Variants in TOX2 observed in about 807,000 individuals in gnomAD.
TOX2 encodes granulosa cell HMG box 1.
In TOX2, 15 loss-of-function variants were observed where a neutral mutation model predicts 47.4. That is an observed-to-expected ratio of 0.32 (90% CI 0.21 to 0.49). The LOEUF is 0.49. TOX2 is among the 20% of genes least tolerant of loss of function. The pLI is 0.99. For missense variants in TOX2, 622 were observed against 673.1 expected (o/e 0.92, Z 0.84); for synonymous variants, 290 against 296.6 (o/e 0.98, Z 0.23).
chr20:44,054,316 A>G lies in TOX2; in HGVS notation c.669A>G (p.Arg223=). 6.2e-7 allele frequency: 1 copy of G among 1,611,306 alleles called. No individual in the cohort carries two copies. The highest frequency in any genetic ancestry group is 1.7e-5 in the Admixed American group (1 of 59,600). ...EVHFKISGEK[R]PSADPGKKAK... is the part of the protein sequence containing the mutation. ...TCGGGCAGATCTCGGGAGAAAAGAG[A>G]CCTTCAGCCGACCCAGGAAAAAAGG... The change falls in exon 5 of 9, where the codon AGA becomes AGG. Residue 223 remains arginine, a synonymous_variant. Coordinates refer to ENST00000341197, the MANE Select transcript of TOX2 (RefSeq NM_001098797.2).
intron 2 of TOX2, among the ~76,000 whole-genome samples, chr20:43,979,081 T>G (rs1460606221): frequency 6.6e-6 from 1 of 152,108 alleles, no homozygotes; most frequent in African/African-American, 2.4e-5. Flanking sequence ...GGTGGTACCA[T>G]TTTCTGAGTT....
intron 1 of TOX2, among the ~76,000 whole-genome samples, chr20:43,951,707 G>GGTTTGTTTTTTTTTTTTT (rs745489872): frequency 1.8e-5 from 1 of 55,098 alleles, no homozygotes; most frequent in African/African-American, 5.4e-5. Context: ...AACTTATTAT[G>GGTTTGTTTTTTTTTTTTT]TTTTTTTTTT....
chr20:43,972,011 T>C (rs975018969), intron 1 of TOX2, among the ~76,000 whole-genome samples: 4 of 152,194 alleles, frequency 2.6e-5, no homozygotes, highest in Non-Finnish European at 4.4e-5. Context: ...GAATATATCT[T>C]AATAAATAAA....
intron 1 of TOX2, among the ~76,000 whole-genome samples, chr20:43,957,154 T>C (rs2069681912): frequency 6.6e-6 from 1 of 152,244 alleles, no homozygotes; most frequent in Non-Finnish European, 1.5e-5. Flanking sequence ...AAACATTCTG[T>C]TCTGTTTTCT....
At chr20:44,029,202 G>A (rs375858388) in intron 3 of TOX2, among the ~76,000 whole-genome samples, 1 of 152,210 alleles carries the variant, frequency 6.6e-6, no homozygotes, top group Non-Finnish European at 1.5e-5. Flanking sequence ...CATTGTTTTT[G>A]ACCAGTGGTT....
chr20:43,962,016 A>G (rs920331393), intron 1 of TOX2, among the ~76,000 whole-genome samples: 4 of 152,230 alleles, frequency 2.6e-5, no homozygotes, highest in African/African-American at 9.6e-5. Flanking sequence ...GTTTGTTGAA[A>G]ACAACATGTG....
chr20:43,929,687 A>G (rs1325303512), intron 1 of TOX2, among the ~76,000 whole-genome samples: 2 of 151,828 alleles, frequency 1.3e-5, no homozygotes, highest in Non-Finnish European at 2.9e-5. Context: ...GCCTCTGAGT[A>G]TTTTTATTTT....
At chr20:43,954,311 A>C (rs1023551823) in intron 1 of TOX2, among the ~76,000 whole-genome samples, 5 of 152,100 alleles carry the variant, frequency 3.3e-5, no homozygotes, top group Non-Finnish European at 7.4e-5. Context: ...CCTCAGTTTA[A>C]TTGCTGCCTC....
intron 1 of TOX2, among the ~76,000 whole-genome samples, chr20:43,958,811 CA>C (rs1300170080): frequency 6.6e-6 from 1 of 152,234 alleles, no homozygotes; most frequent in Non-Finnish European, 1.5e-5. Context: ...AACGGTGGGC[CA>C]TCCATCAGCC....
rs375617057 is a variant in TOX2, at chr20:44,051,529, C to T, written c.635C>T (p.Ser212Leu). 6.8e-5 allele frequency: 109 copies of T among 1,598,048 alleles called. No homozygotes were observed. The highest frequency in any genetic ancestry group is 8.4e-5 in the Non-Finnish European group (98 of 1,169,700). Residue 212 changes from serine to leucine, a missense_variant, in exon 4 of 9, where the codon TCG becomes TTG. By Grantham distance (145) the Ser-to-Leu change is moderately radical (BLOSUM62 -2). This residue lies in a region of TOX2 where 307 missense variants were observed against 327.3 expected (regional missense o/e 0.94). Coordinates refer to ENST00000341197, the MANE Select transcript of TOX2 (RefSeq NM_001098797.2). The stretch of plus-strand genomic sequence containing the variant: ...TCCAGCTCCACTCAGGAAGAGGAGT[C>T]GGAAGTGCATTTCAAGGTATGTGCG... ...SPSSSTQEEE[S>L]EVHFKISGEK...
chr20:43,938,164 G>A (rs1453541898), intron 1 of TOX2, among the ~76,000 whole-genome samples: 1 of 152,194 alleles, frequency 6.6e-6, no homozygotes, highest in East Asian at 1.9e-4. Flanking sequence ...CAGGACCCAT[G>A]TCAGTGGAAC....
chr20:43,943,038 G>A (rs2069421183), intron 1 of TOX2, among the ~76,000 whole-genome samples: 1 of 152,150 alleles, frequency 6.6e-6, no homozygotes, highest in Non-Finnish European at 1.5e-5. Flanking sequence ...AACGGCAAGA[G>A]CACTGCACCT....
chr20:44,039,396 G>A (rs1430638442), intron 3 of TOX2, among the ~76,000 whole-genome samples: 1 of 152,126 alleles, frequency 6.6e-6, no homozygotes, highest in Non-Finnish European at 1.5e-5. Context: ...GTGGGCCCCT[G>A]GGAGCTGCTG....
At chr20:43,934,486 A>G (rs2069298223) in intron 1 of TOX2, among the ~76,000 whole-genome samples, 1 of 152,128 alleles carries the variant, frequency 6.6e-6, no homozygotes, top group Admixed American at 6.5e-5. Context: ...TGCCAGGAAC[A>G]TACTTTCTCT....
chr20:43,938,334 C>T lies in TOX2; in HGVS notation c.99+23344C>T, dbSNP rs536148364. On this transcript the variant is annotated intron_variant, in intron 1 of 8. Transcript: ENST00000341197. The stretch of plus-strand genomic sequence containing the variant: ...GACCCACCGGGACCCCTTAGTCCTC[C>T]CCTCCTGCCTGAGGTAGGACTGAGA... Among the ~76,000 whole-genome samples the T allele has an allele frequency of 3.1e-4, 47 of 152,284 alleles. No homozygotes were observed. The Middle Eastern group carries it at 0.01, about 33-fold the overall frequency.
At chr20:44,014,023 G>A (rs1274400083) in intron 3 of TOX2, among the ~76,000 whole-genome samples, 3 of 151,214 alleles carry the variant, frequency 2.0e-5, no homozygotes, top group East Asian at 3.9e-4. Flanking sequence ...CTAGCTACTC[G>A]GGAAGCTGAA....
At chr20:44,057,740 A>ATGATTCTGAGGGTCCATGAAC (rs2071646560) in intron 5 of TOX2, among the ~76,000 whole-genome samples, 1 of 152,228 alleles carries the variant, frequency 6.6e-6, no homozygotes, top group Non-Finnish European at 1.5e-5. Context: ...TATTCAACTT[A>ATGATTCTGAGGGTCCATGAAC]TGATTCTGAG....
In TOX2 at chr20:44,051,278, A is replaced by C. The variant is rs774579050; in HGVS notation, c.412-28A>C. On this transcript the variant is annotated intron_variant, in intron 3 of 8. Transcript: ENST00000341197. ...GGAGTGGCAGGACAGATCCTTCCTA[A>C]CTCAACCCTCCTGTCCTCCTCTCTT... The C allele has an allele frequency of 2.5e-6, 4 of 1,573,106 alleles. No individual in the cohort carries two copies. In the South Asian group the frequency reaches 4.7e-5, roughly 18 times the overall value.
At chr20:44,039,437 T>C (rs1348277703) in intron 3 of TOX2, among the ~76,000 whole-genome samples, 4 of 152,142 alleles carry the variant, frequency 2.6e-5, no homozygotes, top group African/African-American at 9.7e-5. Flanking sequence ...CGACATTTCA[T>C]GCTCCAGAAG....
Sources: gnomAD v4.1 joint callset for allele counts (sites outside exome capture counted in the v4.1 genomes callset) on GRCh38, gnomAD v4.1.1 for gene constraint, gnomAD v4.1.1 regional missense constraint, MANE v1.5 for transcripts, NCBI Gene and HGNC (gene_info 2026-07-23, HGNC 2026-07-21) for gene names.